Variants in KIF1C observed in about 807,000 individuals in gnomAD.
The protein encoded by KIF1C is kinesin family member 1C.
A neutral mutation model predicts 126.5 loss-of-function variants in KIF1C; 61 were observed. That is an observed-to-expected ratio of 0.48 (90% CI 0.39 to 0.60). KIF1C has a LOEUF of 0.60. Among genes scored for constraint, KIF1C ranks in the 20% least tolerant of loss-of-function variants. The probability of loss-of-function intolerance (pLI) is 0.00; values close to 1 mark genes in which losing one functional copy is unlikely to be tolerated. For missense variants in KIF1C, 1,315 were observed against 1,489.2 expected, an observed-to-expected ratio of 0.88 and a Z score of 1.93; for synonymous variants, 640 against 580.6, an observed-to-expected ratio of 1.10 and a Z score of -1.47.
Position 5,023,400 on chromosome 17 carries a change from G to C in KIF1C, c.2629-68G>C. On this transcript the variant is annotated intron_variant, in intron 22 of 22. Coordinates refer to ENST00000320785, the MANE Select transcript of KIF1C (RefSeq NM_006612.6). This position sits in a 1 kb window ranked among gnomAD's most constrained non-coding sequence, Gnocchi z 4.2. ...CATCCAGCCACTCCAGGTCCCTCTT[G>C]AATCCACATGTCCTGAGGATTCAGC... is the stretch of plus-strand genomic sequence containing the variant. 2.9e-6 allele frequency: 4 copies of C among 1,356,398 alleles called. No homozygotes were observed. The South Asian group carries it at 5.0e-5, about 17-fold the overall frequency. 84.0% of individuals were successfully genotyped at this position (1,356,398 alleles called of 1,614,324 possible). A position where few individuals can be genotyped will look rare whatever the true frequency, so the allele number is the denominator to read the frequency against.
Position 5,022,049 on chromosome 17 carries a change from G to A in KIF1C, c.2011-43G>A. 6.5e-7 allele frequency: 1 copy of A among 1,547,718 alleles called. No individual in the cohort carries two copies. The highest frequency in any genetic ancestry group is 8.7e-7 in the Non-Finnish European group (1 of 1,146,102). ...ACTGGGCCAAGACACATGGGCTCTG[G>A]ATGTCCTTAGCCCTCTCTTCCTCTT... is the stretch of plus-strand genomic sequence containing the variant. On this transcript the variant is annotated intron_variant, in intron 21 of 22. Transcript: ENST00000320785. The surrounding 1 kb of genome is among the most constrained non-coding windows in gnomAD (Gnocchi z 4.9).
At position 5,024,846 on chromosome 17, in the gene KIF1C, C is replaced by T. The variant is rs937765533; in HGVS notation, c.*695C>T. Reference sequence around the variant, plus strand: ...CCAGATCTGGATATAAGAATGTTTCCATCTTGTCTTCCTGAACTTCACCCT... The same window carrying T: ...CCAGATCTGGATATAAGAATGTTTCTATCTTGTCTTCCTGAACTTCACCCT... On this transcript the variant is annotated 3_prime_UTR_variant, in exon 23 of 23. Transcript: ENST00000320785. 2 of 152,368 alleles carry T rather than the reference C, an allele frequency of 1.3e-5. No individual in the cohort carries two copies. Among genetic ancestry groups the T allele is most frequent in the Non-Finnish European group, 2.9e-5 (2 of 68,052 alleles). 9.4% of individuals were successfully genotyped at this position (152,368 alleles called of 1,614,324 possible).
At chr17:5,006,824 T>A in intron 13 of KIF1C, 91 bp from the exon 14 acceptor site, 1 of 1,307,686 alleles carries the variant, frequency 7.6e-7, no homozygotes, top group Non-Finnish European at 1.1e-6. Flanking sequence ...CCTTACAGAC[T>A]GGTCCTCTGT....
At chr17:5,005,505 G>T (rs532642792) in intron 13 of KIF1C, among the ~76,000 whole-genome samples, 33 of 152,316 alleles carry the variant, frequency 2.2e-4, no homozygotes, top group Non-Finnish European at 2.8e-4. Flanking sequence ...TCAGTCTTGA[G>T]ATCATCCCAT....
intron 18 of KIF1C, among the ~76,000 whole-genome samples, chr17:5,015,849 G>A (rs1974960675): frequency 6.6e-6 from 1 of 151,870 alleles, no homozygotes; most frequent in Non-Finnish European, 1.5e-5. Context: ...GCCCACCTTG[G>A]CCTCCCAAAG....
In KIF1C at chr17:5,023,025, T is replaced by A. The variant is rs1975126695; in HGVS notation, c.2628+316T>A. Among the ~76,000 whole-genome samples, 2 of 152,172 alleles carry A rather than the reference T, an allele frequency of 1.3e-5. No homozygotes were observed. Among genetic ancestry groups the A allele is most frequent in the South Asian group, 4.1e-4 (2 of 4,824 alleles). On this transcript the variant is annotated intron_variant, in intron 22 of 22. Coordinates refer to ENST00000320785, the MANE Select transcript of KIF1C (RefSeq NM_006612.6). The surrounding 1 kb of genome is among the most constrained non-coding windows in gnomAD (Gnocchi z 4.2). ...ACTGATATAAAGTTTGCAGTTTTGTTTTGTTTCTGAGGTGAAGTCTTGCTC... is the reference window on the plus strand; with the variant it reads ...ACTGATATAAAGTTTGCAGTTTTGTATTGTTTCTGAGGTGAAGTCTTGCTC...
intron 16 of KIF1C, among the ~76,000 whole-genome samples, chr17:5,009,287 C>G (rs1974807801): frequency 6.6e-6 from 1 of 151,690 alleles, no homozygotes; most frequent in African/African-American, 2.4e-5. Flanking sequence ...TCATACGATT[C>G]TTCTGCCTCA....
chr17:5,021,949 G>A, intron 21 of KIF1C, 143 bp from the exon 22 acceptor site: 1 of 859,136 alleles, frequency 1.2e-6, no homozygotes, highest in Non-Finnish European at 1.8e-6. Flanking sequence ...GTCTGCCCAA[G>A]GGTGCGCTGT....
intron 16 of KIF1C, among the ~76,000 whole-genome samples, chr17:5,010,741 C>T (rs566342312): frequency 1.3e-5 from 2 of 150,816 alleles, no homozygotes; most frequent in Non-Finnish European, 3.0e-5. Context: ...AGCGAGACTC[C>T]GTCTCAAAAA....
chr17:5,004,881 G>A lies in KIF1C; in HGVS notation c.1046G>A (p.Arg349His), dbSNP rs965335718. The A allele has an allele frequency of 6.8e-6, 11 of 1,614,120 alleles. No individual in the cohort carries two copies. Among genetic ancestry groups the A allele is most frequent in the African/African-American group, 1.3e-5 (1 of 74,942 alleles). The stretch of plus-strand genomic sequence containing the variant: ...TATGCTGACCGCACCAAGCAAATCC[G>A]CTGCAATGCCATCATCAACGAGGAC... ...LRYADRTKQI[R>H]CNAIINEDPN... The change falls in exon 13 of 23, where the codon CGC (arginine) becomes CAC (histidine). Residue 349 changes from arginine to histidine, a missense_variant. Arg to His is a conservative substitution (Grantham distance 29). Coordinates refer to ENST00000320785, the MANE Select transcript of KIF1C (RefSeq NM_006612.6).
At position 5,004,987 on chromosome 17, in the gene KIF1C, C is replaced by T; in HGVS notation, c.1152C>T (p.Ala384=). 4 of 1,614,218 alleles carry T rather than the reference C, an allele frequency of 2.5e-6. No homozygotes were observed. The highest frequency in any genetic ancestry group is 3.4e-6 in the Non-Finnish European group (4 of 1,180,036). Residue 384 remains alanine, a synonymous_variant, in exon 13 of 23, where the codon GCC becomes GCT. Coordinates refer to ENST00000320785, the MANE Select transcript of KIF1C (RefSeq NM_006612.6). ...RELLMAQGLS[A]SALEGLKTEE... is the part of the protein sequence containing the mutation. ...TGCTGATGGCTCAGGGACTGTCAGCCTCTGCTCTGGAAGGTCGAGGTTCCA... is the reference window on the plus strand; with the variant it reads ...TGCTGATGGCTCAGGGACTGTCAGCTTCTGCTCTGGAAGGTCGAGGTTCCA...
chr17:5,022,829 T>C lies in KIF1C; in HGVS notation c.2628+120T>C, dbSNP rs1399127321. ...TGGAAAAAATTGCATTGAAGTATAGTACGTTTTTTTCAATATTGTTTACGA... is the reference window on the plus strand; with the variant it reads ...TGGAAAAAATTGCATTGAAGTATAGCACGTTTTTTTCAATATTGTTTACGA... On this transcript the variant is annotated intron_variant, in intron 22 of 22. Transcript: ENST00000320785. The surrounding 1 kb of genome is among the most constrained non-coding windows in gnomAD (Gnocchi z 4.9). The C allele has an allele frequency of 2.3e-6, 3 of 1,325,168 alleles. No homozygotes were observed. The highest frequency in any genetic ancestry group is 2.9e-6 in the Non-Finnish European group (3 of 1,024,428). 82.1% of individuals were successfully genotyped at this position (1,325,168 alleles called of 1,614,324 possible).
chr17:5,021,797 GCACAA>G (rs1207644373), intron 21 of KIF1C, among the ~76,000 whole-genome samples: 2 of 151,898 alleles, frequency 1.3e-5, no homozygotes, highest in Admixed American at 6.6e-5. Context: ...TTTAAGTCTT[GCACAA>G]AGTTCCACAC....
intron 3 of KIF1C, 52 bp downstream of exon 3, chr17:5,000,404 AC>A: frequency 8.0e-7 from 1 of 1,254,352 alleles, no homozygotes. Flanking sequence ...GGCCGGGCCC[AC>A]CACACAGGCC....
At chr17:5,021,931 G>A (rs1385056709) in intron 21 of KIF1C, among the ~76,000 whole-genome samples, 161 bp from the exon 22 acceptor site, 2 of 152,162 alleles carry the variant, frequency 1.3e-5, no homozygotes, top group Non-Finnish European at 2.9e-5. Flanking sequence ...GAAGAGCAGC[G>A]TTAAGCAGTC....
rs1974628533 is a variant in KIF1C, at chr17:5,002,756, G to T, written c.634G>T (p.Glu212Ter). The change falls in exon 8 of 23, where the codon GAG becomes TAG. Residue 212 changes from glutamate to a stop codon, truncating the protein, a stop_gained. Coordinates refer to ENST00000320785, the MANE Select transcript of KIF1C (RefSeq NM_006612.6). LOFTEE classifies it high-confidence loss of function. ...ARTVAATNMNETSSRSHAVFT... is the reference protein window; with the variant it reads ...ARTVAATNMN ...GACTGTGGCTGCCACCAACATGAAT[G>T]AGACCAGCAGCCGTTCCCATGCCGT... 1 of 1,614,060 alleles carries T rather than the reference G, an allele frequency of 6.2e-7. No homozygotes were observed.
rs779764899 is a variant in KIF1C, at chr17:5,002,167, T to C, written c.429+43T>C. The C allele has an allele frequency of 7.9e-5, 123 of 1,549,604 alleles. 2 individuals are homozygous for C. The highest frequency in any genetic ancestry group is 3.4e-4 in the Middle Eastern group (2 of 5,970). On this transcript the variant is annotated intron_variant, in intron 6 of 22. Coordinates refer to ENST00000320785, the MANE Select transcript of KIF1C (RefSeq NM_006612.6). ...TGGCAGGGCTGAGAGGGGTCCAGAC[T>C]GCTGAGGGCTGTCGCTGGAATCAGA...
At chr17:5,015,261 A>ATTTCTTTTTCTT (rs374416278) in intron 18 of KIF1C, among the ~76,000 whole-genome samples, 2 of 151,834 alleles carry the variant, frequency 1.3e-5, no homozygotes, top group Non-Finnish European at 2.9e-5. Flanking sequence ...GACTGCCGAG[A>ATTTCTTTTTCTT]TTTCTTTTTC....
In KIF1C at chr17:5,010,061, G is replaced by A. The variant is rs550813996; in HGVS notation, c.1491+2519G>A. ...CATGCCTCAGCCTCCCAAGTAGCTG[G>A]GATTACAGGCACCCACCACCACGCC... On this transcript the variant is annotated intron_variant, in intron 16 of 22. Transcript: ENST00000320785. Among the ~76,000 whole-genome samples, 67 of 152,092 alleles carry A rather than the reference G, an allele frequency of 4.4e-4. No individual in the cohort carries two copies. The East Asian group carries it at 8.2e-3, about 19-fold the overall frequency.
Sources: gnomAD v4.1 joint callset for allele counts (sites outside exome capture counted in the v4.1 genomes callset) on GRCh38, gnomAD v4.1.1 for gene constraint, Gnocchi (gnomAD v3.1) non-coding constraint, MANE v1.5 for transcripts, NCBI Gene and HGNC (gene_info 2026-07-23, HGNC 2026-07-21) for gene names.